Variants in MALRD1 observed in about 807,000 individuals in gnomAD.
The protein encoded by MALRD1 is MAM and LDL-receptor class A domain-containing protein 1.
In MALRD1, 247 loss-of-function variants were observed where a neutral mutation model predicts 242.1. That is an observed-to-expected ratio of 1.02 (90% CI 0.92 to 1.13). MALRD1 has a LOEUF of 1.13. MALRD1 is among the 50% of genes most tolerant of loss of function. The pLI, the probability that MALRD1 is intolerant of heterozygous loss-of-function variation, is 0.00. For synonymous variants in MALRD1, 995 were observed against 866.6 expected (o/e 1.15, Z -2.60); for missense variants, 2,989 against 2,533.1 (o/e 1.18, Z -3.86).
rs144220384 is a variant in MALRD1, at chr10:19,395,138, C to T, written c.4845+5529C>T. 3.3e-3 allele frequency among the ~76,000 whole-genome samples: 508 copies of T among 152,108 alleles called. 4 individuals carry two copies. The highest frequency in any genetic ancestry group is 0.012 in the African/African-American group (491 of 41,496). ...GTTATATTGTACTAGTGTACTTGGC[C>T]AAATAATTGAAGAAAAGTTGATCCT... is the stretch of plus-strand genomic sequence containing the variant. On this transcript the variant is annotated intron_variant, in intron 28 of 39. Transcript: ENST00000454679.
chr10:19,146,115 T>G, intron 10 of MALRD1, 83 bp from the exon 11 acceptor site: 1 of 1,103,366 alleles, frequency 9.1e-7, no homozygotes, highest in Non-Finnish European at 1.1e-6. Context: ...GCAGGCCTCC[T>G]AAGATGATTA....
intron 31 of MALRD1, among the ~76,000 whole-genome samples, chr10:19,507,270 A>G (rs1213503090): frequency 6.6e-6 from 1 of 152,136 alleles, no homozygotes; most frequent in Non-Finnish European, 1.5e-5. Flanking sequence ...CTATATCACC[A>G]TGGGTTGAAA....
At chr10:19,072,012 T>C (rs1209998851) in intron 2 of MALRD1, among the ~76,000 whole-genome samples, 1 of 152,144 alleles carries the variant, frequency 6.6e-6, no homozygotes, top group Non-Finnish European at 1.5e-5. Flanking sequence ...TGCAATCTGG[T>C]GATAGAGACA....
rs1838708106 is a variant in MALRD1, at chr10:19,240,404, C to CTATA, written c.2992-17277_2992-17274dup. On this transcript the variant is annotated intron_variant, in intron 18 of 39. Coordinates refer to ENST00000454679, the MANE Select transcript of MALRD1 (RefSeq NM_001142308.3). ...TGGTCAAGTCTTTAGGGTTCTCACTCTATATAAGTATATCTAGAAAGAACC... is the reference window on the plus strand; with the variant it reads ...TGGTCAAGTCTTTAGGGTTCTCACTCTATATATATAAGTATATCTAGAAAGAACC... Among the ~76,000 whole-genome samples, 3 of 151,890 alleles carry CTATA rather than the reference C, an allele frequency of 2.0e-5. No homozygotes were observed. In the South Asian group the frequency reaches 6.2e-4, roughly 32 times the overall value.
intron 36 of MALRD1, among the ~76,000 whole-genome samples, chr10:19,677,044 A>AT (rs925767156): frequency 7.7e-4 from 116 of 151,050 alleles, no homozygotes; most frequent in African/African-American, 2.7e-3. Context: ...TATGTACCAC[A>AT]TTTTTTTTTC....
At chr10:19,609,842 A>G (rs1001949233) in intron 35 of MALRD1, among the ~76,000 whole-genome samples, 1 of 152,068 alleles carries the variant, frequency 6.6e-6, no homozygotes, top group Admixed American at 6.6e-5. Context: ...AACTATAATT[A>G]TGATAATCAT....
chr10:19,344,713 T>C (rs931443552), intron 24 of MALRD1, among the ~76,000 whole-genome samples: 3 of 138,480 alleles, frequency 2.2e-5, no homozygotes, highest in African/African-American at 8.0e-5. Context: ...TTTAATACCA[T>C]GTCAATTGGG....
chr10:19,389,702 C>T lies in MALRD1; in HGVS notation c.4845+93C>T, dbSNP rs1014291226. 9.7e-6 allele frequency: 13 copies of T among 1,339,268 alleles called. No individual in the cohort carries two copies. The African/African-American group carries it at 1.8e-4, about 18-fold the overall frequency. 83.0% of individuals were successfully genotyped at this position (1,339,268 alleles called of 1,614,324 possible). On this transcript the variant is annotated intron_variant, in intron 28 of 39. Coordinates refer to ENST00000454679, the MANE Select transcript of MALRD1 (RefSeq NM_001142308.3). ...TCACTCAGGCTGCAGTGCAGTGGTG[C>T]AGTCATGGCTTACTGCAGCCTCCAA... is the stretch of plus-strand genomic sequence containing the variant.
chr10:19,708,032 C>T lies in MALRD1; in HGVS notation c.6314+15478C>T, dbSNP rs1833943805. On this transcript the variant is annotated intron_variant, in intron 38 of 39. Coordinates refer to ENST00000454679, the MANE Select transcript of MALRD1 (RefSeq NM_001142308.3). ...ATAAAATTAAATTTTTATATTTTCT[C>T]ATTTAATACAGAAAGTGAGAAAATA... 1.7e-5 allele frequency among the ~76,000 whole-genome samples: 2 copies of T among 117,312 alleles called. 1 individual carries two copies. The highest frequency in any genetic ancestry group is 5.4e-5 in the African/African-American group (2 of 37,270). 77.0% of individuals were successfully genotyped at this position (117,312 alleles called of 152,430 possible).
Position 19,205,037 on chromosome 10 carries a change from C to T in MALRD1, c.2350C>T (p.Leu784Phe). 1 of 1,550,806 alleles carries T rather than the reference C, an allele frequency of 6.4e-7. No individual in the cohort carries two copies. Among genetic ancestry groups the T allele is most frequent in the South Asian group, 1.2e-5 (1 of 84,064 alleles). Residue 784 changes from leucine (L) to phenylalanine (F), a missense_variant, in exon 17 of 40, where the codon CTT becomes TTT. By Grantham distance (22) the Leu-to-Phe change is conservative. Coordinates refer to ENST00000454679, the MANE Select transcript of MALRD1 (RefSeq NM_001142308.3). ...WLEATIQLGR[L>F]SQPFHLSLDK... ...GGAGGCAACCATTCAGCTAGGGCGC[C>T]TTTCGCAGCCCTTCCATTTGTCACT...
intron 19 of MALRD1, among the ~76,000 whole-genome samples, chr10:19,274,461 A>T (rs907703942): frequency 6.6e-6 from 1 of 152,170 alleles, no homozygotes; most frequent in Non-Finnish European, 1.5e-5. Flanking sequence ...ATGCCTTTAT[A>T]AAAAGACAGG....
intron 32 of MALRD1, among the ~76,000 whole-genome samples, chr10:19,540,713 T>C (rs373506237): frequency 6.6e-6 from 1 of 152,138 alleles, no homozygotes; most frequent in South Asian, 2.1e-4. Context: ...TCCAGGCATA[T>C]GTTGAGTGAA....
At chr10:19,502,966 C>T (rs1223771900) in intron 31 of MALRD1, among the ~76,000 whole-genome samples, 1 of 152,008 alleles carries the variant, frequency 6.6e-6, no homozygotes, top group East Asian at 1.9e-4. Flanking sequence ...ACTTTTAGAG[C>T]TTGTGTATGT....
intron 31 of MALRD1, among the ~76,000 whole-genome samples, chr10:19,507,016 G>T (rs1188516220): frequency 1.3e-5 from 2 of 152,094 alleles, no homozygotes; most frequent in Non-Finnish European, 2.9e-5. Flanking sequence ...TATTATGACA[G>T]ATGGTGAAGG....
intron 21 of MALRD1, among the ~76,000 whole-genome samples, chr10:19,293,773 A>C (rs1841559982): frequency 6.6e-6 from 1 of 151,810 alleles, no homozygotes; most frequent in South Asian, 2.1e-4. Flanking sequence ...GGGTGGGAGG[A>C]GGAAGAGAAC....
intron 12 of MALRD1, among the ~76,000 whole-genome samples, chr10:19,163,014 T>G (rs1834500394): frequency 6.6e-6 from 1 of 151,132 alleles, no homozygotes; most frequent in African/African-American, 2.4e-5. Context: ...GGTGCAAGCC[T>G]GTAGTCCCAA....
At chr10:19,176,504 A>G (rs1010541204) in intron 14 of MALRD1, among the ~76,000 whole-genome samples, 1 of 148,920 alleles carries the variant, frequency 6.7e-6, no homozygotes, top group Admixed American at 6.8e-5. Context: ...CCTCCCGAGT[A>G]GCTGGGACTA....
intron 32 of MALRD1, among the ~76,000 whole-genome samples, chr10:19,558,617 A>C (rs749202504): frequency 6.6e-6 from 1 of 152,122 alleles, no homozygotes; most frequent in Non-Finnish European, 1.5e-5. Context: ...CTTTTCTTCC[A>C]TTGCTGAATT....
intron 29 of MALRD1, among the ~76,000 whole-genome samples, chr10:19,463,881 A>AT (rs1213036235): frequency 1.3e-5 from 2 of 151,916 alleles, no homozygotes; most frequent in Admixed American, 6.6e-5. Flanking sequence ...AACATCTATT[A>AT]TTTTTTGATT....
Sources: gnomAD v4.1 joint callset for allele counts (sites outside exome capture counted in the v4.1 genomes callset) on GRCh38, gnomAD v4.1.1 for gene constraint, MANE v1.5 for transcripts, NCBI Gene and HGNC (gene_info 2026-07-23, HGNC 2026-07-21) for gene names.